DMXL2: variants seen among roughly 807,000 people sequenced by gnomAD.
DMXL2 encodes the protein Dmx like 2.
In DMXL2, 103 loss-of-function variants were observed where a neutral mutation model predicts 331.1. The observed-to-expected ratio is 0.31, with a 90% CI of 0.27 to 0.37. DMXL2 has a LOEUF of 0.37. DMXL2 is among the 10% of genes least tolerant of loss of function. The pLI is 1.00. For synonymous variants in DMXL2, 1,281 were observed against 1,252.1 expected, an observed-to-expected ratio of 1.02 and a Z score of -0.49; for missense variants, 3,171 against 3,642.9, an observed-to-expected ratio of 0.87 and a Z score of 3.33.
intron 1 of DMXL2, among the ~76,000 whole-genome samples, chr15:51,587,665 A>C (rs528726754): frequency 6.6e-6 from 1 of 152,168 alleles, no homozygotes; most frequent in Non-Finnish European, 1.5e-5. Flanking sequence ...ATGATTTATA[A>C]ACCTTTGGGT....
intron 6 of DMXL2, among the ~76,000 whole-genome samples, chr15:51,561,515 G>C (rs2049970401): frequency 7.7e-6 from 1 of 129,216 alleles, no homozygotes; most frequent in African/African-American, 2.7e-5. Flanking sequence ...CAGGCCCTTG[G>C]GCTCCCAGGC....
chr15:51,464,663 G>T lies in DMXL2; in HGVS notation c.7808+12C>A. 6.2e-7 allele frequency: 1 copy of T among 1,611,296 alleles called. No individual in the cohort carries two copies. Among genetic ancestry groups the T allele is most frequent in the Middle Eastern group, 1.7e-4 (1 of 5,850 alleles). On this transcript the variant is annotated intron_variant, in intron 32 of 43. Transcript: ENST00000560891. ...GCTACGCTCTTTATCAGCATTATAA[G>T]AGCTTTCTTACTTGAATGGGGTATT...
Position 51,587,058 on chromosome 15 carries a change from T to C in DMXL2, c.88-10877A>G, listed in dbSNP as rs898175771. ...ACATATACAAAAACCTACAGTCACC[T>C]TTTAGCCTCAAATTTATTCTCAAAA... On this transcript the variant is annotated intron_variant, in intron 1 of 43. Transcript: ENST00000560891. Among the ~76,000 whole-genome samples the C allele has an allele frequency of 3.3e-5, 5 of 152,062 alleles. No homozygotes were observed. The East Asian group carries it at 9.6e-4, about 29-fold the overall frequency.
chr15:51,596,355 T>A (rs893057015), intron 1 of DMXL2, among the ~76,000 whole-genome samples: 1 of 152,114 alleles, frequency 6.6e-6, no homozygotes, highest in Non-Finnish European at 1.5e-5. Context: ...GAAATGCAGA[T>A]CAAAACCACA....
At chr15:51,478,090 G>A (rs1378966582) in intron 26 of DMXL2, among the ~76,000 whole-genome samples, 181 bp downstream of exon 26, 1 of 151,944 alleles carries the variant, frequency 6.6e-6, no homozygotes. Context: ...ATTTCTCTGT[G>A]ACTACTAGGT....
intron 1 of DMXL2, among the ~76,000 whole-genome samples, chr15:51,614,956 A>G (rs750162): frequency 6.6e-6 from 1 of 152,026 alleles, no homozygotes; most frequent in African/African-American, 2.4e-5. Context: ...TCCAGGGGAA[A>G]AAAATGATGC....
Position 51,498,837 on chromosome 15 carries a change from G to T in DMXL2, c.4387C>A (p.Gln1463Lys). 6.2e-7 allele frequency: 1 copy of T among 1,614,092 alleles called. No individual in the cohort carries two copies. Among genetic ancestry groups the T allele is most frequent in the Non-Finnish European group, 8.5e-7 (1 of 1,179,994 alleles). Residue 1463 changes from glutamine to lysine, a missense_variant, in exon 18 of 44, where the codon CAA becomes AAA. Gln to Lys is a moderately conservative substitution (Grantham distance 53). Around this residue, in one of 7 missense-constraint regions of DMXL2, gnomAD observed 1,674 missense variants for 1,780.2 expected, o/e 0.94. Transcript: ENST00000560891. ...AGCTCTGAATACTGATCCTCTGGTT[G>T]ACTTACTGTCTGATCTTCATAGCTC... ...PQSYEDQTVS[Q>K]PEDQYSELFQ...
intron 13 of DMXL2, among the ~76,000 whole-genome samples, chr15:51,529,944 C>A (rs955185686): frequency 6.6e-6 from 1 of 152,012 alleles, no homozygotes; most frequent in Non-Finnish European, 1.5e-5. Flanking sequence ...TGGTTCAACA[C>A]ATACAAATCA....
At chr15:51,571,340 G>A (rs1174949320) in intron 2 of DMXL2, among the ~76,000 whole-genome samples, 2 of 152,124 alleles carry the variant, frequency 1.3e-5, no homozygotes, top group African/African-American at 2.4e-5. Context: ...AATAGTGGGA[G>A]ACTTTAACAC....
intron 6 of DMXL2, among the ~76,000 whole-genome samples, chr15:51,555,021 G>A (rs2140988302): frequency 6.6e-6 from 1 of 152,220 alleles, no homozygotes; most frequent in Non-Finnish European, 1.5e-5. Flanking sequence ...AGCCAGGTGT[G>A]GTGGCACACG....
At chr15:51,538,126 G>A in intron 10 of DMXL2, 87 bp downstream of exon 10, 1 of 1,456,280 alleles carries the variant, frequency 6.9e-7, no homozygotes, top group Non-Finnish European at 9.3e-7. Flanking sequence ...AGGAGGAAGA[G>A]CGGGAAGGAA....
intron 19 of DMXL2, 62 bp from the exon 20 acceptor site, chr15:51,491,809 T>C: frequency 7.0e-7 from 1 of 1,421,824 alleles, no homozygotes; most frequent in South Asian, 1.3e-5. Flanking sequence ...AAAAACAATT[T>C]TTCATGCAGT....
At chr15:51,476,562 T>A (rs1251378681) in intron 27 of DMXL2, 27 bp downstream of exon 27, 2 of 1,592,074 alleles carry the variant, frequency 1.3e-6, no homozygotes, top group Non-Finnish European at 1.7e-6. Context: ...TAGAAGATTT[T>A]TTTTTTTTAA....
chr15:51,516,890 T>C (rs964959878), intron 14 of DMXL2, among the ~76,000 whole-genome samples, 188 bp downstream of exon 14: 29 of 152,216 alleles, frequency 1.9e-4, no homozygotes, highest in African/African-American at 7.0e-4. Context: ...GAACATACAG[T>C]TCTTGGTTTC....
intron 37 of DMXL2, among the ~76,000 whole-genome samples, chr15:51,456,897 T>A (rs1156851710): frequency 6.6e-6 from 1 of 152,134 alleles, no homozygotes; most frequent in East Asian, 1.9e-4. Context: ...ATGAGGCCAG[T>A]GTGGTGGCTC....
At chr15:51,460,318 A>G in intron 33 of DMXL2, 1 of 985,400 alleles carries the variant, frequency 1.0e-6, no homozygotes, top group Non-Finnish European at 1.2e-6. Context: ...TCCTTTCATC[A>G]CGAAGGGCCA....
chr15:51,533,061 A>G (rs2048095462), intron 13 of DMXL2, among the ~76,000 whole-genome samples: 1 of 152,230 alleles, frequency 6.6e-6, no homozygotes, highest in Admixed American at 6.5e-5. Context: ...CCAACATTAA[A>G]AAGACAGCAC....
chr15:51,562,182 G>C (rs972916191), intron 6 of DMXL2, among the ~76,000 whole-genome samples: 3 of 152,056 alleles, frequency 2.0e-5, no homozygotes, highest in African/African-American at 7.2e-5. Context: ...ACTCTAATTT[G>C]ACCATCATTA....
In DMXL2 at chr15:51,622,644, C is replaced by T; in HGVS notation, c.-99G>A. 6.9e-7 allele frequency: 1 copy of T among 1,449,894 alleles called. No homozygotes were observed. Among genetic ancestry groups the T allele is most frequent in the African/African-American group, 1.5e-5 (1 of 68,800 alleles). 89.8% of individuals were successfully genotyped at this position (1,449,894 alleles called of 1,614,324 possible). ...GAGCCGTTTCCCTCTGTGCCTCCCT[C>T]GGAAACCCGCCCCGCGGAGGCTCTG... On this transcript the variant is annotated 5_prime_UTR_variant, in exon 1 of 44. Coordinates refer to ENST00000560891, the MANE Select transcript of DMXL2 (RefSeq NM_001378457.1).
Sources: gnomAD v4.1 joint callset for allele counts (sites outside exome capture counted in the v4.1 genomes callset) on GRCh38, gnomAD v4.1.1 for gene constraint, gnomAD v4.1.1 regional missense constraint, MANE v1.5 for transcripts, NCBI Gene and HGNC (gene_info 2026-07-23, HGNC 2026-07-21) for gene names.